Variants in NAALADL2 observed in about 807,000 individuals in gnomAD.
NAALADL2 encodes N-acetylated alpha-linked acidic dipeptidase like 2.
NAALADL2 carries 76 observed loss-of-function variants against 87.2 expected under a neutral mutation model. The observed-to-expected ratio is 0.87, with a 90% CI of 0.72 to 1.05. The LOEUF (loss-of-function observed/expected upper bound fraction) is 1.05. NAALADL2 is among the 50% of genes least tolerant of loss of function. The pLI is 0.00. For synonymous variants in NAALADL2, 354 were observed against 331.0 expected, an observed-to-expected ratio of 1.07 and a Z score of -0.75; for missense variants, 1,089 against 945.8, an observed-to-expected ratio of 1.15 and a Z score of -1.99.
intron 11 of NAALADL2, among the ~76,000 whole-genome samples, chr3:175,692,816 C>T (rs1737227412): frequency 6.6e-6 from 1 of 152,008 alleles, no homozygotes; most frequent in Non-Finnish European, 1.5e-5. Flanking sequence ...TTTTTTCCAT[C>T]AGTCTTAGCT....
intron 5 of NAALADL2, among the ~76,000 whole-genome samples, chr3:175,435,864 T>TA (rs1334335203): frequency 2.6e-5 from 4 of 151,344 alleles, no homozygotes; most frequent in Non-Finnish European, 5.9e-5. Flanking sequence ...TTTTTTTTTT[T>TA]TATACTTTAA....
chr3:174,642,775 T>C (rs200919398), intron 2 of NAALADL2, among the ~76,000 whole-genome samples: 3 of 38,928 alleles, frequency 7.7e-5, no homozygotes, highest in African/African-American at 2.9e-4. Context: ...TATATATATA[T>C]ATATATATAT....
chr3:174,732,954 A>C (rs1490042825), intron 2 of NAALADL2, among the ~76,000 whole-genome samples: 1 of 152,204 alleles, frequency 6.6e-6, no homozygotes, highest in Non-Finnish European at 1.5e-5. Context: ...CACCATCAGA[A>C]TTAAAGATAA....
At chr3:175,215,621 A>T (rs761416042) in intron 2 of NAALADL2, among the ~76,000 whole-genome samples, 1 of 152,160 alleles carries the variant, frequency 6.6e-6, no homozygotes, top group Non-Finnish European at 1.5e-5. Context: ...AAATTCTGCA[A>T]ATAATGCTTC....
chr3:175,054,266 G>T (rs907227744), intron 1 of NAALADL2, among the ~76,000 whole-genome samples: 5 of 152,186 alleles, frequency 3.3e-5, no homozygotes, highest in African/African-American at 9.6e-5. Flanking sequence ...CAATGAAAAT[G>T]CTTAGCAGGC....
chr3:174,851,362 TA>T (rs34003047), intron 3 of NAALADL2, among the ~76,000 whole-genome samples: 47,181 of 107,706 alleles, frequency 0.44, 8,635 homozygotes, highest in East Asian at 0.59. Flanking sequence ...TCAGCCAGAC[TA>T]AAAAAAAAAA....
At chr3:174,492,160 C>G (rs1718235672) in intron 1 of NAALADL2, among the ~76,000 whole-genome samples, 1 of 151,664 alleles carries the variant, frequency 6.6e-6, no homozygotes, top group African/African-American at 2.4e-5. Flanking sequence ...ATCTCAGCTG[C>G]TTGGGAGGCT....
At chr3:174,987,588 A>AAAAAAAAC (rs1746083337) in intron 1 of NAALADL2, among the ~76,000 whole-genome samples, 1 of 141,938 alleles carries the variant, frequency 7.0e-6, no homozygotes, top group Non-Finnish European at 1.5e-5. Flanking sequence ...AAAAAAAAAA[A>AAAAAAAAC]AAAAAAAAAA....
chr3:174,843,138 T>C (rs1367116725), intron 3 of NAALADL2, among the ~76,000 whole-genome samples: 3 of 152,136 alleles, frequency 2.0e-5, no homozygotes, highest in African/African-American at 7.2e-5. Context: ...TGATCTATTT[T>C]GTAATACATT....
intron 4 of NAALADL2, among the ~76,000 whole-genome samples, chr3:175,299,278 ATAAAG>A (rs1756742120): frequency 6.6e-6 from 1 of 151,970 alleles, no homozygotes; most frequent in African/African-American, 2.4e-5. Context: ...CATATGAAAT[ATAAAG>A]TAGTTTTTTT....
intron 2 of NAALADL2, among the ~76,000 whole-genome samples, chr3:174,729,263 G>A (rs1338169644): frequency 6.6e-6 from 1 of 151,954 alleles, no homozygotes; most frequent in Non-Finnish European, 1.5e-5. Flanking sequence ...GGCTTACTAT[G>A]TAATAAAGTC....
intron 10 of NAALADL2, among the ~76,000 whole-genome samples, chr3:175,626,383 T>C (rs560574762): frequency 8.6e-5 from 13 of 152,032 alleles, no homozygotes; most frequent in African/African-American, 2.2e-4. Context: ...TTTTGTTGAT[T>C]CTTTAACTTT....
chr3:174,630,443 A>G (rs1721997197), intron 2 of NAALADL2, among the ~76,000 whole-genome samples: 2 of 152,144 alleles, frequency 1.3e-5, no homozygotes, highest in South Asian at 4.1e-4. Flanking sequence ...TAGATTTATG[A>G]TATGTTTATG....
chr3:174,841,010 A>G (rs1478557812), intron 3 of NAALADL2, among the ~76,000 whole-genome samples: 1 of 151,676 alleles, frequency 6.6e-6, no homozygotes, highest in Non-Finnish European at 1.5e-5. Flanking sequence ...ATTTTTTAGG[A>G]AAGCATGTTA....
chr3:175,197,500 G>T (rs1739202859), intron 2 of NAALADL2, among the ~76,000 whole-genome samples: 1 of 151,906 alleles, frequency 6.6e-6, no homozygotes, highest in South Asian at 2.1e-4. Flanking sequence ...AAGAAAATCT[G>T]TATTTGAGGG....
chr3:175,794,010 G>GA (rs151123984), intron 13 of NAALADL2, among the ~76,000 whole-genome samples: 4,344 of 152,050 alleles, frequency 0.029, 161 homozygotes, highest in East Asian at 0.19. Flanking sequence ...AAAAATAAAT[G>GA]AAAAAAATAA....
intron 5 of NAALADL2, among the ~76,000 whole-genome samples, chr3:175,424,675 T>C (rs1468050417): frequency 2.6e-5 from 4 of 152,208 alleles, no homozygotes; most frequent in Non-Finnish European, 5.9e-5. Context: ...CATGGTGTTT[T>C]TGTTACTGTA....
intron 2 of NAALADL2, among the ~76,000 whole-genome samples, chr3:175,175,905 T>A (rs1392161361): frequency 6.6e-6 from 1 of 152,104 alleles, no homozygotes; most frequent in South Asian, 2.1e-4. Flanking sequence ...GTAATACATA[T>A]TTTCAAATTT....
rs368761220 is a variant in NAALADL2, at chr3:175,647,141, G to A, written c.1896+19755G>A. On this transcript the variant is annotated intron_variant, in intron 11 of 13. Transcript: ENST00000454872. The stretch of plus-strand genomic sequence containing the variant: ...TCCTATTCATATGCCATTCACCAAA[G>A]CGAGTCATATGGCCATGTCTAACTT... Among the ~76,000 whole-genome samples, 8 of 152,170 alleles carry A rather than the reference G, an allele frequency of 5.3e-5. No homozygotes were observed. The East Asian group carries it at 1.4e-3, about 26-fold the overall frequency.
Sources: allele counts gnomAD v4.1 joint callset (sites outside exome capture counted in the v4.1 genomes callset), GRCh38; gene constraint gnomAD v4.1.1; transcripts MANE v1.5; gene names NCBI Gene and HGNC (gene_info 2026-07-23, HGNC 2026-07-21).